SPIDR: variants seen among roughly 807,000 people sequenced by gnomAD.
The protein encoded by SPIDR is DNA repair-scaffolding protein.
In SPIDR, 93 loss-of-function variants were observed where a neutral mutation model predicts 104.6. That is an observed-to-expected ratio of 0.89 (90% CI 0.75 to 1.06). The LOEUF is 1.06. SPIDR is among the 50% of genes least tolerant of loss of function. SPIDR has a pLI of 0.00. For synonymous variants in SPIDR, 431 were observed against 416.9 expected (o/e 1.03, Z -0.41); for missense variants, 1,154 against 1,111.2 (o/e 1.04, Z -0.55).
intron 10 of SPIDR, among the ~76,000 whole-genome samples, chr8:47,622,465 A>G (rs1008166701): frequency 3.3e-5 from 5 of 152,112 alleles, no homozygotes; most frequent in African/African-American, 1.2e-4. Flanking sequence ...AGTCAGGCCT[A>G]TACTCAGGCA....
intron 5 of SPIDR, among the ~76,000 whole-genome samples, chr8:47,294,682 A>G (rs2040520029): frequency 6.6e-6 from 1 of 152,100 alleles, no homozygotes; most frequent in Non-Finnish European, 1.5e-5. Flanking sequence ...CCAGGCTAGA[A>G]CGCAATGGTG....
chr8:47,701,886 G>C (rs199776994), intron 13 of SPIDR, 22 bp downstream of exon 13: 1 of 1,614,108 alleles, frequency 6.2e-7, no homozygotes. Flanking sequence ...GTTTCTAACA[G>C]GTTTTTTAGG....
intron 2 of SPIDR, among the ~76,000 whole-genome samples, chr8:47,281,540 G>C (rs1195572535): frequency 1.3e-5 from 2 of 152,162 alleles, no homozygotes; most frequent in Non-Finnish European, 2.9e-5. Context: ...ACCAGGAGTA[G>C]ATTTTATCTC....
At chr8:47,703,064 C>T (rs1317127743) in intron 14 of SPIDR, among the ~76,000 whole-genome samples, 1 of 152,188 alleles carries the variant, frequency 6.6e-6, no homozygotes, top group Non-Finnish European at 1.5e-5. Flanking sequence ...AGATCTGACA[C>T]TCACACCCCT....
chr8:47,587,332 T>C (rs2060354360), intron 8 of SPIDR, among the ~76,000 whole-genome samples: 1 of 152,088 alleles, frequency 6.6e-6, no homozygotes, highest in Non-Finnish European at 1.5e-5. Context: ...CAAAAATCAG[T>C]TGGTAGGCTG....
intron 6 of SPIDR, among the ~76,000 whole-genome samples, chr8:47,405,057 A>C (rs2062524116): frequency 6.6e-6 from 1 of 152,130 alleles, no homozygotes; most frequent in African/African-American, 2.4e-5. Context: ...TTTGTTAGGG[A>C]CATGGATGAA....
intron 17 of SPIDR, 61 bp downstream of exon 17, chr8:47,727,354 C>A (rs2084406066): frequency 1.3e-6 from 2 of 1,503,118 alleles, no homozygotes; most frequent in African/African-American, 2.7e-5. Context: ...AGCAACCCAG[C>A]CCCAGAACCT....
At chr8:47,561,755 T>G (rs2057107147) in intron 8 of SPIDR, among the ~76,000 whole-genome samples, 1 of 152,212 alleles carries the variant, frequency 6.6e-6, no homozygotes, top group Non-Finnish European at 1.5e-5. Flanking sequence ...GCTGCCCTTC[T>G]TATGCCCATC....
chr8:47,724,089 T>G, intron 16 of SPIDR, among the ~76,000 whole-genome samples: 1 of 152,224 alleles, frequency 6.6e-6, no homozygotes, highest in East Asian at 1.9e-4. Flanking sequence ...GACATTTCAT[T>G]TTCCTCATAT....
intron 10 of SPIDR, among the ~76,000 whole-genome samples, chr8:47,671,527 G>A (rs2075792561): frequency 6.6e-6 from 1 of 151,804 alleles, no homozygotes; most frequent in Middle Eastern, 3.4e-3. Context: ...GGAGGTTGCG[G>A]TGAGCTGAGA....
At chr8:47,731,032 C>T (rs2085123865) in intron 19 of SPIDR, among the ~76,000 whole-genome samples, 1 of 151,990 alleles carries the variant, frequency 6.6e-6, no homozygotes, top group South Asian at 2.1e-4. Flanking sequence ...CCGAGGCGGG[C>T]GGATCACCTG....
At chr8:47,612,361 G>T (rs28366397) in intron 10 of SPIDR, among the ~76,000 whole-genome samples, 1 of 152,144 alleles carries the variant, frequency 6.6e-6, no homozygotes, top group Non-Finnish European at 1.5e-5. Flanking sequence ...GTGGGAAACT[G>T]CAGTGACAGC....
At chr8:47,402,214 G>C (rs2061999184) in intron 6 of SPIDR, among the ~76,000 whole-genome samples, 1 of 152,148 alleles carries the variant, frequency 6.6e-6, no homozygotes, top group Non-Finnish European at 1.5e-5. Flanking sequence ...AGTGTGTAGA[G>C]GGAAATTTAT....
intron 8 of SPIDR, among the ~76,000 whole-genome samples, chr8:47,472,770 G>A (rs761995286): frequency 1.3e-5 from 2 of 152,156 alleles, no homozygotes; most frequent in Non-Finnish European, 2.9e-5. Context: ...TAGCTTTGAA[G>A]CCCTGGTTAA....
At chr8:47,517,658 A>G (rs1777509920) in intron 8 of SPIDR, among the ~76,000 whole-genome samples, 1 of 152,250 alleles carries the variant, frequency 6.6e-6, no homozygotes, top group Admixed American at 6.5e-5. Context: ...AAAGCTATCA[A>G]TAGTATGTAG....
intron 5 of SPIDR, among the ~76,000 whole-genome samples, chr8:47,329,565 C>T (rs1272850242): frequency 6.6e-6 from 1 of 152,154 alleles, no homozygotes; most frequent in African/African-American, 2.4e-5. Flanking sequence ...AGGTACATCT[C>T]AACCAAATCT....
intron 1 of SPIDR, among the ~76,000 whole-genome samples, chr8:47,262,306 C>G (rs888619407): frequency 6.6e-6 from 1 of 152,136 alleles, no homozygotes; most frequent in African/African-American, 2.4e-5. Flanking sequence ...TTCATCTTGT[C>G]ATTTTTCAAG....
chr8:47,569,523 A>G (rs1251743906), intron 8 of SPIDR, among the ~76,000 whole-genome samples: 4 of 152,172 alleles, frequency 2.6e-5, no homozygotes, highest in Admixed American at 2.6e-4. Flanking sequence ...CCATCAAACA[A>G]GTCTTAATAA....
chr8:47,481,449 C>T (rs778662132), intron 8 of SPIDR, among the ~76,000 whole-genome samples: 1 of 152,000 alleles, frequency 6.6e-6, no homozygotes, highest in Non-Finnish European at 1.5e-5. Flanking sequence ...CCAGCCTGGC[C>T]AACATGGAGA....
Sources: allele counts gnomAD v4.1 joint callset (sites outside exome capture counted in the v4.1 genomes callset), GRCh38; gene constraint gnomAD v4.1.1; transcripts MANE v1.5; gene names NCBI Gene and HGNC (gene_info 2026-07-23, HGNC 2026-07-21).